The following DRD2 variants were observed in gnomAD, a reference collection of about 807,000 sequenced individuals.
DRD2 encodes the protein D(2) dopamine receptor.
In DRD2, 8 loss-of-function variants were observed where a neutral mutation model predicts 38.0. That is an observed-to-expected ratio of 0.21 (90% CI 0.12 to 0.38). The LOEUF (loss-of-function observed/expected upper bound fraction) is 0.38, where lower values mean the gene tolerates loss of function less well. DRD2 is among the 10% of genes least tolerant of loss of function. DRD2 has a pLI of 1.00. For missense variants in DRD2, 403 were observed against 607.7 expected (o/e 0.66, Z 3.54); for synonymous variants, 230 against 238.6 (o/e 0.96, Z 0.33).
At chr11:113,432,333 T>C (rs1176767898) in intron 1 of DRD2, among the ~76,000 whole-genome samples, 2 of 145,508 alleles carry the variant, frequency 1.4e-5, no homozygotes, top group Non-Finnish European at 3.0e-5. Context: ...TCTCCCTCCC[T>C]CTATCCCCAC....
intron 1 of DRD2, among the ~76,000 whole-genome samples, chr11:113,459,890 G>A (rs1431231839): frequency 6.6e-6 from 1 of 152,174 alleles, no homozygotes; most frequent in Non-Finnish European, 1.5e-5. Context: ...ATTGTCACAT[G>A]TACCTCCAAA....
intron 1 of DRD2, among the ~76,000 whole-genome samples, chr11:113,466,864 A>G (rs953234463): frequency 6.6e-6 from 1 of 152,208 alleles, no homozygotes; most frequent in African/African-American, 2.4e-5. Flanking sequence ...TCTGGTGGAG[A>G]AGACAAGAAA....
rs904384814 is a variant in DRD2, at chr11:113,409,710, C to G, written c.*1017G>C. On this transcript the variant is annotated 3_prime_UTR_variant, in exon 8 of 8. Coordinates refer to ENST00000362072, the MANE Select transcript of DRD2 (RefSeq NM_000795.4). ...CCCAAGCTGCAGCTTCCCCTCCTTCCTCAGGGCAGGGCCAGGCCAGGCCAG... is the reference window on the plus strand; with the variant it reads ...CCCAAGCTGCAGCTTCCCCTCCTTCGTCAGGGCAGGGCCAGGCCAGGCCAG... 2 of 153,104 alleles carry G rather than the reference C, an allele frequency of 1.3e-5. No homozygotes were observed. The highest frequency in any genetic ancestry group is 4.8e-5 in the African/African-American group (2 of 41,468). The allele number at this position is 153,104 out of a possible 1,614,324, so 9.5% of individuals were successfully genotyped here.
At chr11:113,470,923 C>G (rs1478096511) in intron 1 of DRD2, among the ~76,000 whole-genome samples, 1 of 152,196 alleles carries the variant, frequency 6.6e-6, no homozygotes, top group African/African-American at 2.4e-5. Flanking sequence ...GAAACACTCT[C>G]ATGTATCCTA....
intron 1 of DRD2, among the ~76,000 whole-genome samples, chr11:113,433,614 G>A (rs1219144650): frequency 2.0e-5 from 3 of 152,220 alleles, no homozygotes; most frequent in Non-Finnish European, 2.9e-5. Flanking sequence ...CAGGGACCGC[G>A]CAGCAGCTCT....
Position 113,424,450 on chromosome 11 carries a change from T to A in DRD2, c.202A>T (p.Thr68Ser). Reference protein sequence around the residue: ...AVSREKALQTTTNYLIVSLAV... With the variant: ...AVSREKALQTSTNYLIVSLAV... The stretch of plus-strand genomic sequence containing the variant: ...AGGCTGACGATCAGGTAGTTGGTGG[T>A]GGTCTGCAGCGCCTTCTCGCGGGAC... The change falls in exon 2 of 8, where the codon ACC becomes TCC. Residue 68 changes from threonine (T) to serine (S), a missense_variant. Transcript: ENST00000362072. The A allele has an allele frequency of 6.2e-7, 1 of 1,614,208 alleles. No individual in the cohort carries two copies. The highest frequency in any genetic ancestry group is 1.6e-4 in the Middle Eastern group (1 of 6,062).
intron 7 of DRD2, chr11:113,411,673 T>A (rs181190324): frequency 6.6e-6 from 1 of 152,482 alleles, no homozygotes; most frequent in East Asian, 1.9e-4. Flanking sequence ...GCTGAGCCCC[T>A]ATGGACTGCA....
chr11:113,474,613 C>T (rs1336109222), intron 1 of DRD2, among the ~76,000 whole-genome samples: 1 of 152,178 alleles, frequency 6.6e-6, no homozygotes, highest in Non-Finnish European at 1.5e-5. Context: ...CGCACCAACA[C>T]AGAGTTGCCA....
chr11:113,434,468 C>T (rs1951017883), intron 1 of DRD2, among the ~76,000 whole-genome samples: 1 of 152,216 alleles, frequency 6.6e-6, no homozygotes, highest in Admixed American at 6.5e-5. Context: ...CCCTCTGGGT[C>T]CCAGTCACAG....
intron 1 of DRD2, among the ~76,000 whole-genome samples, chr11:113,456,965 G>A (rs1951273598): frequency 6.6e-6 from 1 of 152,020 alleles, no homozygotes; most frequent in Non-Finnish European, 1.5e-5. Flanking sequence ...GCACACATCC[G>A]ACCTGCAGCA....
At chr11:113,474,720 T>A (rs1443588439) in intron 1 of DRD2, among the ~76,000 whole-genome samples, 1 of 151,522 alleles carries the variant, frequency 6.6e-6, no homozygotes, top group Admixed American at 6.6e-5. Flanking sequence ...CCCGAGATTG[T>A]GGGGAGCGGC....
chr11:113,415,758 C>G (rs1263082839), intron 4 of DRD2, 147 bp from the exon 5 acceptor site: 4 of 884,280 alleles, frequency 4.5e-6, no homozygotes, highest in Non-Finnish European at 6.9e-6. Flanking sequence ...GCCTGGTCAT[C>G]TTAGATATAC....
intron 1 of DRD2, among the ~76,000 whole-genome samples, chr11:113,426,839 A>G (rs929115546): frequency 7.2e-5 from 11 of 152,200 alleles, no homozygotes; most frequent in Non-Finnish European, 1.2e-4. Flanking sequence ...TGCAAAACCA[A>G]CTGAGCCCTC....
At chr11:113,456,205 A>G (rs1410239100) in intron 1 of DRD2, among the ~76,000 whole-genome samples, 1 of 152,248 alleles carries the variant, frequency 6.6e-6, no homozygotes, top group Non-Finnish European at 1.5e-5. Context: ...AAGACATTGT[A>G]TGATCTTGCT....
chr11:113,430,369 T>A (rs989027599), intron 1 of DRD2, among the ~76,000 whole-genome samples: 1 of 152,120 alleles, frequency 6.6e-6, no homozygotes, highest in African/African-American at 2.4e-5. Context: ...ATTTTATATA[T>A]CACTAGGAAA....
intron 6 of DRD2, chr11:113,413,725 C>A (rs1432833943): frequency 1.4e-5 from 3 of 218,876 alleles, no homozygotes; most frequent in Non-Finnish European, 2.8e-5. Context: ...GTTCTCCATC[C>A]CTCTGGAGGA....
intron 1 of DRD2, among the ~76,000 whole-genome samples, chr11:113,432,823 A>G (rs541867217): frequency 6.6e-6 from 1 of 152,336 alleles, no homozygotes; most frequent in East Asian, 1.9e-4. Context: ...TGCAACTTCA[A>G]AAAGGCAGCA....
intron 1 of DRD2, among the ~76,000 whole-genome samples, chr11:113,472,413 C>A (rs529828867): frequency 6.6e-6 from 1 of 152,264 alleles, no homozygotes; most frequent in South Asian, 2.1e-4. Flanking sequence ...CCCTAAGTTC[C>A]CATTTGTTTC....
At position 113,415,536 on chromosome 11, in the gene DRD2, A is replaced by G. The variant is rs1950817106; in HGVS notation, c.608T>C (p.Ile203Thr). The change falls in exon 5 of 8, where the codon ATT becomes ACT. Residue 203 changes from isoleucine to threonine, a missense_variant. By Grantham distance (89) the Ile-to-Thr change is moderately conservative. Transcript: ENST00000362072. Reference sequence around the variant, plus strand: ...CTTGATGTAGACCAGCAGGGTGACAATGAAGGGCACGTAGAAGGAGACGAT... The same window carrying G: ...CTTGATGTAGACCAGCAGGGTGACAGTGAAGGGCACGTAGAAGGAGACGAT... Reference protein sequence around the residue: ...SSIVSFYVPFIVTLLVYIKIY... With the variant: ...SSIVSFYVPFTVTLLVYIKIY... 1 of 1,614,104 alleles carries G rather than the reference A, an allele frequency of 6.2e-7. No homozygotes were observed. Among genetic ancestry groups the G allele is most frequent in the African/African-American group, 1.3e-5 (1 of 74,942 alleles).
Sources: gnomAD v4.1 joint callset for allele counts (sites outside exome capture counted in the v4.1 genomes callset) on GRCh38, gnomAD v4.1.1 for gene constraint, MANE v1.5 for transcripts, NCBI Gene and HGNC (gene_info 2026-07-23, HGNC 2026-07-21) for gene names.